The following USP32 variants were observed in gnomAD, a reference collection of about 807,000 sequenced individuals.
USP32 encodes the protein ubiquitin specific peptidase 32.
A neutral mutation model predicts 204.8 loss-of-function variants in USP32; 59 were observed. The observed-to-expected ratio is 0.29, with a 90% confidence interval of 0.23 to 0.36. The LOEUF (loss-of-function observed/expected upper bound fraction) is 0.36, where lower values mean the gene tolerates loss of function less well. USP32 is among the 10% of genes least tolerant of loss of function. The pLI is 1.00. For synonymous variants in USP32, 517 were observed against 678.4 expected (o/e 0.76, Z 3.70); for missense variants, 1,160 against 1,946.4 (o/e 0.60, Z 7.60).
chr17:60,376,116 G>C (rs937390166), intron 1 of USP32, among the ~76,000 whole-genome samples: 2 of 151,906 alleles, frequency 1.3e-5, no homozygotes, highest in African/African-American at 4.8e-5. Context: ...CACAATCATG[G>C]CTCACTACAG....
chr17:60,183,154 C>G lies in USP32; in HGVS notation c.4123+11G>C, dbSNP rs747437499. ...CCAAGAAAGCACCTGCATAAGGCCC[C>G]CAGGCCTCACCTTTCGGGCTGCTGA... On this transcript the variant is annotated intron_variant, in intron 31 of 33. Coordinates refer to ENST00000300896, the MANE Select transcript of USP32 (RefSeq NM_032582.4). 1 of 1,599,642 alleles carries G rather than the reference C, an allele frequency of 6.3e-7. No individual in the cohort carries two copies. The highest frequency in any genetic ancestry group is 1.3e-5 in the African/African-American group (1 of 74,478).
intron 1 of USP32, among the ~76,000 whole-genome samples, chr17:60,354,126 T>C (rs1329247698): frequency 6.6e-6 from 1 of 152,244 alleles, no homozygotes; most frequent in Non-Finnish European, 1.5e-5. Context: ...TTATTACTCA[T>C]TACATGGTAT....
chr17:60,361,062 G>C (rs1017522903), intron 1 of USP32, among the ~76,000 whole-genome samples: 1 of 152,094 alleles, frequency 6.6e-6, no homozygotes, highest in Non-Finnish European at 1.5e-5. Flanking sequence ...CTGAGAGGCG[G>C]AGATTGAAGT....
chr17:60,222,512 C>G lies in USP32; in HGVS notation c.1646G>C (p.Arg549Pro). 1 of 1,613,968 alleles carries G rather than the reference C, an allele frequency of 6.2e-7. No homozygotes were observed. Among genetic ancestry groups the G allele is most frequent in the South Asian group, 1.1e-5 (1 of 91,062 alleles). The change falls in exon 15 of 34, where the codon CGA becomes CCA. Residue 549 changes from arginine to proline, a missense_variant. Coordinates refer to ENST00000300896, the MANE Select transcript of USP32 (RefSeq NM_032582.4). ...SLTLEGGRLK[R>P]TPQLIHGRDY... ...TCTTCCATGAATCAGCTGTGGAGTT[C>G]GTTTTAATCGTCCTCCTTCTAGTGT...
chr17:60,421,425 G>A (rs2090112254), intron 1 of USP32: 1 of 985,676 alleles, frequency 1.0e-6, no homozygotes, highest in Non-Finnish European at 1.2e-6. Context: ...GGGTGGCAGG[G>A]GAGGCCCGGG....
rs536538485 is a variant in USP32, at chr17:60,344,956, G to T, written c.186+525C>A. On this transcript the variant is annotated intron_variant, in intron 2 of 33. Transcript: ENST00000300896. ...TGGGACTACAGGGACGCACAGTGGC[G>T]CCGGTTAAACATATTATTTTTAGAA... Among the ~76,000 whole-genome samples, 16 of 152,174 alleles carry T rather than the reference G, an allele frequency of 1.1e-4. No individual in the cohort carries two copies. In the South Asian group the frequency reaches 2.9e-3, roughly 28 times the overall value.
At chr17:60,255,495 T>A (rs1359902446) in intron 9 of USP32, among the ~76,000 whole-genome samples, 2 of 152,128 alleles carry the variant, frequency 1.3e-5, no homozygotes, top group Non-Finnish European at 2.9e-5. Flanking sequence ...AAACGGGGTT[T>A]CACTATGTTG....
chr17:60,383,196 A>G (rs757537811), intron 1 of USP32, among the ~76,000 whole-genome samples: 6 of 151,228 alleles, frequency 4.0e-5, no homozygotes, highest in Non-Finnish European at 1.5e-5. Context: ...CAGTGATCCC[A>G]AGGTCGCACT....
Position 60,336,105 on chromosome 17 carries a change from A to C in USP32, c.186+9376T>G, listed in dbSNP as rs1290840500. Among the ~76,000 whole-genome samples, 19 of 142,822 alleles carry C rather than the reference A, an allele frequency of 1.3e-4. 2 individuals are homozygous for C. The highest frequency in any genetic ancestry group is 1.3e-3 in the Admixed American group (19 of 14,708). 93.7% of individuals were successfully genotyped at this position (142,822 alleles called of 152,430 possible). ...GTAAGAGTGTTTTTTAGTATGAATT[A>C]CTTCTTTAACATCTGGCATACCACT... On this transcript the variant is annotated intron_variant, in intron 2 of 33. Transcript: ENST00000300896.
intron 11 of USP32, 95 bp from the exon 12 acceptor site, chr17:60,236,335 C>T (rs750780944): frequency 4.4e-5 from 45 of 1,013,570 alleles, no homozygotes; most frequent in Admixed American, 6.1e-5. Context: ...AGGAAAACCG[C>T]GAAACATTTA....
At position 60,183,061 on chromosome 17, in the gene USP32, T is replaced by G. The variant is rs1274292318; in HGVS notation, c.4123+104A>C. 3 of 1,465,090 alleles carry G rather than the reference T, an allele frequency of 2.0e-6. No homozygotes were observed. The African/African-American group carries it at 4.3e-5, about 21-fold the overall frequency. 90.8% of individuals were successfully genotyped at this position (1,465,090 alleles called of 1,614,324 possible). ...CAGATAGGTCTGATTCCAGATAGGTTCTTTCCACCCAACCAACCTGATGTT... is the reference window on the plus strand; with the variant it reads ...CAGATAGGTCTGATTCCAGATAGGTGCTTTCCACCCAACCAACCTGATGTT... On this transcript the variant is annotated intron_variant, in intron 31 of 33. Coordinates refer to ENST00000300896, the MANE Select transcript of USP32 (RefSeq NM_032582.4).
intron 1 of USP32, among the ~76,000 whole-genome samples, chr17:60,352,385 G>A (rs1444840600): frequency 2.6e-5 from 4 of 152,098 alleles, no homozygotes; most frequent in African/African-American, 7.2e-5. Flanking sequence ...TAAGGATGGC[G>A]AGGTCAAAAA....
intron 1 of USP32, among the ~76,000 whole-genome samples, chr17:60,367,531 C>A (rs960045088): frequency 6.6e-6 from 1 of 152,040 alleles, no homozygotes; most frequent in Non-Finnish European, 1.5e-5. Flanking sequence ...AATATTCAGG[C>A]TGGGCATGGA....
intron 1 of USP32, among the ~76,000 whole-genome samples, chr17:60,370,645 A>G (rs1236911771): frequency 1.3e-5 from 2 of 151,826 alleles, no homozygotes; most frequent in Admixed American, 1.3e-4. Flanking sequence ...TGCCCACCCA[A>G]CCACTCAGGA....
At chr17:60,254,691 G>A (rs1003894900) in intron 10 of USP32, among the ~76,000 whole-genome samples, 3 of 152,082 alleles carry the variant, frequency 2.0e-5, no homozygotes, top group African/African-American at 7.2e-5. Context: ...AGAGTGAGAT[G>A]CTGTCTCAAA....
chr17:60,238,866 C>T (rs973742329), intron 11 of USP32, among the ~76,000 whole-genome samples: 23 of 151,060 alleles, frequency 1.5e-4, no homozygotes, highest in Admixed American at 1.2e-3. Flanking sequence ...CAGCTACTCA[C>T]GAAGCTGAGG....
chr17:60,227,782 T>G lies in USP32; in HGVS notation c.1240-1551A>C, dbSNP rs993385044. The stretch of plus-strand genomic sequence containing the variant: ...AAAATATGATTAAATAACTAATTAA[T>G]CACAAACAGTTATAAATTTCTTTGT... On this transcript the variant is annotated intron_variant, in intron 12 of 33. Transcript: ENST00000300896. Among the ~76,000 whole-genome samples, 3 of 152,154 alleles carry G rather than the reference T, an allele frequency of 2.0e-5. No individual in the cohort carries two copies. The South Asian group carries it at 6.2e-4, about 32-fold the overall frequency.
Position 60,403,725 on chromosome 17 carries a change from T to C in USP32, c.106+18521A>G, listed in dbSNP as rs546494966. On this transcript the variant is annotated intron_variant, in intron 1 of 3. Coordinates refer to the USP32 transcript ENST00000588898. ...CAAACTATATATTTTTTCACACATATATATTTGAAGACTATATACATACAG... is the reference window on the plus strand; with the variant it reads ...CAAACTATATATTTTTTCACACATACATATTTGAAGACTATATACATACAG... Among the ~76,000 whole-genome samples, 11 of 152,270 alleles carry C rather than the reference T, an allele frequency of 7.2e-5. No homozygotes were observed. In the East Asian group the frequency reaches 1.9e-3, roughly 27 times the overall value.
intron 5 of USP32, among the ~76,000 whole-genome samples, chr17:60,285,571 G>A (rs776587000): frequency 2.0e-5 from 3 of 152,090 alleles, no homozygotes; most frequent in Non-Finnish European, 2.9e-5. Flanking sequence ...CCCCTCTGCC[G>A]GAAAGGATCC....
Sources: gnomAD v4.1 joint callset for allele counts (sites outside exome capture counted in the v4.1 genomes callset) on GRCh38, gnomAD v4.1.1 for gene constraint, MANE v1.5 for transcripts, NCBI Gene and HGNC (gene_info 2026-07-23, HGNC 2026-07-21) for gene names.